Variants in NUBP1 observed in about 807,000 individuals in gnomAD.
The protein encoded by NUBP1 is NUBP iron-sulfur cluster assembly factor 1, cytosolic.
A neutral mutation model predicts 41.8 loss-of-function variants in NUBP1; 46 were observed. The ratio of observed to expected loss-of-function variants is 1.10; its 90% CI spans 0.87 to 1.41. The LOEUF is 1.41. NUBP1 is among the 40% of genes most tolerant of loss of function. The pLI, the probability that NUBP1 is intolerant of heterozygous loss-of-function variation, is 0.00. For missense variants in NUBP1, 494 were observed against 414.0 expected (o/e 1.19, Z -1.68); for synonymous variants, 189 against 154.6 (o/e 1.22, Z -1.65).
Position 10,765,927 on chromosome 16 carries a change from A to C in NUBP1, c.821-2022A>C, listed in dbSNP as rs940411912. The C allele has an allele frequency of 1.3e-5, 2 of 152,332 alleles. No homozygotes were observed. Among genetic ancestry groups the C allele is most frequent in the African/African-American group, 4.8e-5 (2 of 41,472 alleles). 9.4% of individuals were successfully genotyped at this position (152,332 alleles called of 1,614,324 possible). ...AGATAGCAAGGCCAGGGAGTGCCAG[A>C]AAGGAAGGGGTGGTTAACACTGTCA... is the stretch of plus-strand genomic sequence containing the variant. On this transcript the variant is annotated intron_variant, in intron 9 of 10. Transcript: ENST00000283027. The surrounding 1 kb of genome is among the most constrained non-coding windows in gnomAD (Gnocchi z 4.0).
chr16:10,755,803 G>A (rs779965672), intron 5 of NUBP1, 50 bp downstream of exon 5: 2 of 1,566,972 alleles, frequency 1.3e-6, no homozygotes, highest in South Asian at 2.2e-5. Context: ...GTGGTTGTGT[G>A]TACATAATGG....
Position 10,757,511 on chromosome 16 carries a change from G to C in NUBP1, c.452-362G>C, listed in dbSNP as rs1285833069. Among the ~76,000 whole-genome samples, 1 of 152,118 alleles carries C rather than the reference G, an allele frequency of 6.6e-6. No individual in the cohort carries two copies. Among genetic ancestry groups the C allele is most frequent in the Non-Finnish European group, 1.5e-5 (1 of 68,030 alleles). ...GGAGTAGACCGTGTTCTACACCATA[G>C]GGTGTTAAACAGTGTCCCTGGCCTT... On this transcript the variant is annotated intron_variant, in intron 6 of 10. Coordinates refer to ENST00000283027, the MANE Select transcript of NUBP1 (RefSeq NM_002484.4). The surrounding 1 kb of genome is among the most constrained non-coding windows in gnomAD (Gnocchi z 4.1).
intron 3 of NUBP1, among the ~76,000 whole-genome samples, chr16:10,748,241 G>A (rs976187852): frequency 1.4e-4 from 22 of 152,144 alleles, no homozygotes; most frequent in African/African-American, 5.3e-4. Flanking sequence ...ATGAGCCACC[G>A]TGCCTGGCCT....
chr16:10,746,495 C>G (rs1900069964), intron 2 of NUBP1, among the ~76,000 whole-genome samples: 2 of 152,170 alleles, frequency 1.3e-5, no homozygotes, highest in Admixed American at 1.3e-4. Context: ...AATTCCAACA[C>G]TTTGGGAGGC....
chr16:10,756,759 T>C lies in NUBP1; in HGVS notation c.430T>C (p.Trp144Arg). 6.3e-7 allele frequency: 1 copy of C among 1,591,932 alleles called. No individual in the cohort carries two copies. The highest frequency in any genetic ancestry group is 1.1e-5 in the South Asian group (1 of 87,070). ...LLSSPDDAVI[W>R]RGPKKNGMIK... ...CAGCAGTCCTGATGATGCTGTTATC[T>C]GGAGGGGACCCAAGAAAAACGGTTT... Residue 144 changes from tryptophan to arginine, a missense_variant, in exon 6 of 11, where the codon TGG (tryptophan) becomes CGG (arginine). Trp to Arg is a moderately radical substitution (Grantham distance 101). Coordinates refer to ENST00000283027, the MANE Select transcript of NUBP1 (RefSeq NM_002484.4).
In NUBP1 at chr16:10,767,909, C is replaced by T. The variant is rs767234408; in HGVS notation, c.821-40C>T. ...AAGATCTTGTGGCCATTCTGTTTTCCTCTTGGACTGAATTGTCTTCCGTTT... is the reference window on the plus strand; with the variant it reads ...AAGATCTTGTGGCCATTCTGTTTTCTTCTTGGACTGAATTGTCTTCCGTTT... On this transcript the variant is annotated intron_variant, in intron 9 of 10. Transcript: ENST00000283027. This position sits in a 1 kb window ranked among gnomAD's most constrained non-coding sequence, Gnocchi z 4.6. 4.4e-6 allele frequency: 7 copies of T among 1,590,714 alleles called. No homozygotes were observed. The highest frequency in any genetic ancestry group is 6.0e-6 in the Non-Finnish European group (7 of 1,158,920).
At position 10,767,366 on chromosome 16, in the gene NUBP1, G is replaced by A. The variant is rs1019102904; in HGVS notation, c.821-583G>A. ...GCGGGGAAAGACTAGCAGACTGATA[G>A]ACACCAGCACAGATGACCTGGAAGA... On this transcript the variant is annotated intron_variant, in intron 9 of 10. Transcript: ENST00000283027. This position sits in a 1 kb window ranked among gnomAD's most constrained non-coding sequence, Gnocchi z 4.6. 2.5e-6 allele frequency: 1 copy of A among 399,968 alleles called. No homozygotes were observed. The highest frequency in any genetic ancestry group is 4.4e-6 in the Non-Finnish European group (1 of 227,090). 24.8% of individuals were successfully genotyped at this position (399,968 alleles called of 1,614,324 possible).
At chr16:10,744,588 T>C (rs1485037762) in intron 2 of NUBP1, among the ~76,000 whole-genome samples, 2 of 152,320 alleles carry the variant, frequency 1.3e-5, no homozygotes, top group East Asian at 3.9e-4. Context: ...GCGTGGTCAC[T>C]GCTCTAGTGG....
At chr16:10,745,081 T>C (rs1341118234) in intron 2 of NUBP1, among the ~76,000 whole-genome samples, 2 of 151,526 alleles carry the variant, frequency 1.3e-5, no homozygotes, top group Admixed American at 1.3e-4. Flanking sequence ...TTGAAGGAGT[T>C]CAGAGAGAGA....
Position 10,769,075 on chromosome 16 carries a change from G to C in NUBP1, c.933G>C (p.Gln311His), listed in dbSNP as rs768402371. The C allele has an allele frequency of 3.7e-6, 6 of 1,614,080 alleles. No individual in the cohort carries two copies. The East Asian group carries it at 1.3e-4, about 36-fold the overall frequency. ...TCCAAGAGTTTTGTAATCTCCATCAGTCAAAAGAAGAGAACCTCATCAGTT... is the reference window on the plus strand; with the variant it reads ...TCCAAGAGTTTTGTAATCTCCATCACTCAAAAGAAGAGAACCTCATCAGTT... ...QRIQEFCNLH[Q>H]SKEENLISS The change falls in exon 11 of 11, where the codon CAG (glutamine) becomes CAC (histidine). Residue 311 changes from glutamine to histidine, a missense_variant. Physicochemically the swap from Gln to His is conservative, Grantham distance 24. Transcript: ENST00000283027.
chr16:10,758,269 G>A (rs985166574), intron 7 of NUBP1, among the ~76,000 whole-genome samples: 5 of 152,124 alleles, frequency 3.3e-5, no homozygotes, highest in African/African-American at 1.2e-4. Context: ...CCACGAGTTC[G>A]GGACCAGCCT....
Position 10,749,364 on chromosome 16 carries a change from G to T in NUBP1, c.258+2088G>T, listed in dbSNP as rs1312525231. Among the ~76,000 whole-genome samples, 1 of 152,172 alleles carries T rather than the reference G, an allele frequency of 6.6e-6. No homozygotes were observed. Among genetic ancestry groups the T allele is most frequent in the African/African-American group, 2.4e-5 (1 of 41,436 alleles). ...TGGGCTTTCATCTCACCACTTGCAAGTAACCACTTGTGAGTAGACAACTGT... is the reference window on the plus strand; with the variant it reads ...TGGGCTTTCATCTCACCACTTGCAATTAACCACTTGTGAGTAGACAACTGT... On this transcript the variant is annotated intron_variant, in intron 3 of 10. Transcript: ENST00000283027. This position sits in a 1 kb window ranked among gnomAD's most constrained non-coding sequence, Gnocchi z 4.1.
Position 10,744,000 on chromosome 16 carries a change from C to A in NUBP1, c.59C>A (p.Ala20Asp). 1.9e-6 allele frequency: 3 copies of A among 1,582,170 alleles called. No homozygotes were observed. Among genetic ancestry groups the A allele is most frequent in the Non-Finnish European group, 2.6e-6 (3 of 1,169,870 alleles). The change falls in exon 2 of 11, where the codon GCT becomes GAT. Residue 20 changes from alanine (A) to aspartate (D), a missense_variant. Ala to Asp is a moderately radical substitution (Grantham distance 126). Coordinates refer to ENST00000283027, the MANE Select transcript of NUBP1 (RefSeq NM_002484.4). ...GADSAQAGRG[A>D]SCQGCPNQRL... Reference sequence around the variant, plus strand: ...GACAGCGCCCAGGCGGGCAGAGGGGCTTCATGTCAGGGATGCCCCAACCAG... The same window carrying A: ...GACAGCGCCCAGGCGGGCAGAGGGGATTCATGTCAGGGATGCCCCAACCAG...
chr16:10,761,781 A>G lies in NUBP1; in HGVS notation c.742A>G (p.Thr248Ala), dbSNP rs202005005. Residue 248 changes from threonine to alanine, a missense_variant, in exon 9 of 11, where the codon ACA becomes GCA. Thr to Ala is a moderately conservative substitution (Grantham distance 58, BLOSUM62 0). Transcript: ENST00000283027. ...CKKESQIFPP[T>A]TGGAELMCQD... ...GAAAGAATCTCAGATATTCCCTCCC[A>G]CAACCGGGGGCGCGGAGCTCATGTG... The G allele has an allele frequency of 1.7e-5, 28 of 1,613,586 alleles. No individual in the cohort carries two copies. The highest frequency in any genetic ancestry group is 2.3e-5 in the Non-Finnish European group (27 of 1,179,890).
In NUBP1 at chr16:10,765,588, T is replaced by C; in HGVS notation, c.821-2361T>C. On this transcript the variant is annotated intron_variant, in intron 9 of 10. Coordinates refer to ENST00000283027, the MANE Select transcript of NUBP1 (RefSeq NM_002484.4). The surrounding 1 kb of genome is among the most constrained non-coding windows in gnomAD (Gnocchi z 4.0). ...CCAGCCACAGGCCTGCCCTTGCCAT[T>C]GTCTGACAGATCAGGAAGTGACCTT... 6.6e-6 allele frequency among the ~76,000 whole-genome samples: 1 copy of C among 152,158 alleles called. No homozygotes were observed. Among genetic ancestry groups the C allele is most frequent in the East Asian group, 1.9e-4 (1 of 5,192 alleles).
chr16:10,749,089 A>T lies in NUBP1; in HGVS notation c.258+1813A>T, dbSNP rs912625989. On this transcript the variant is annotated intron_variant, in intron 3 of 10. Coordinates refer to ENST00000283027, the MANE Select transcript of NUBP1 (RefSeq NM_002484.4). The surrounding 1 kb of genome is among the most constrained non-coding windows in gnomAD (Gnocchi z 4.1). ...CTGGGTGACAGACAAGACTCCATTT[A>T]AAAAAAAAAAAGGATATAGATAGAT... Among the ~76,000 whole-genome samples the T allele has an allele frequency of 1.4e-5, 2 of 141,358 alleles. No individual in the cohort carries two copies. The highest frequency in any genetic ancestry group is 2.6e-5 in the African/African-American group (1 of 38,528). The allele number at this position is 141,358 out of a possible 152,430, so 92.7% of individuals were successfully genotyped here. A position where few individuals can be genotyped will look rare whatever the true frequency, so the allele number is the denominator to read the frequency against.
intron 2 of NUBP1, 34 bp downstream of exon 2, chr16:10,744,099 G>C (rs1171036320): frequency 5.3e-6 from 8 of 1,508,896 alleles, no homozygotes; most frequent in Non-Finnish European, 7.1e-6. Context: ...CAGGAACTTA[G>C]AGGCGCAGGC....
chr16:10,745,577 G>A (rs1900020713), intron 2 of NUBP1, among the ~76,000 whole-genome samples: 1 of 152,238 alleles, frequency 6.6e-6, no homozygotes, highest in South Asian at 2.1e-4. Flanking sequence ...AAATACAAGT[G>A]ACAGAAACAT....
chr16:10,748,407 A>G (rs1332473086), intron 3 of NUBP1, among the ~76,000 whole-genome samples: 2 of 152,286 alleles, frequency 1.3e-5, no homozygotes, highest in South Asian at 2.1e-4. Context: ...ACAGACGAGC[A>G]TGAAAACTCA....
Sources: gnomAD v4.1 joint callset for allele counts (sites outside exome capture counted in the v4.1 genomes callset) on GRCh38, gnomAD v4.1.1 for gene constraint, Gnocchi (gnomAD v3.1) non-coding constraint, MANE v1.5 for transcripts, NCBI Gene and HGNC (gene_info 2026-07-23, HGNC 2026-07-21) for gene names.